LRRC4C: variants seen among roughly 807,000 people sequenced by gnomAD.
LRRC4C encodes leucine rich repeat containing 4C, also known as leucine-rich repeat-containing protein 4C.
A neutral mutation model predicts 33.6 loss-of-function variants in LRRC4C; 5 were observed. That is an observed-to-expected ratio of 0.15 (90% CI 0.08 to 0.31). LRRC4C has a LOEUF of 0.31. Among genes scored for constraint, LRRC4C ranks in the 10% least tolerant of loss-of-function variants. LRRC4C has a pLI of 1.00. For missense variants in LRRC4C, 560 were observed against 796.7 expected (o/e 0.70, Z 3.58); for synonymous variants, 329 against 302.0 (o/e 1.09, Z -0.93).
intron 5 of LRRC4C, among the ~76,000 whole-genome samples, chr11:40,168,887 C>T (rs560294208): frequency 2.6e-4 from 40 of 152,312 alleles, no homozygotes; most frequent in African/African-American, 8.9e-4. Flanking sequence ...GCTGCCCCAA[C>T]ACACTGGTTC....
At chr11:40,556,718 A>T (rs761241544) in intron 3 of LRRC4C, among the ~76,000 whole-genome samples, 6 of 152,178 alleles carry the variant, frequency 3.9e-5, no homozygotes, top group African/African-American at 1.2e-4. Flanking sequence ...CAAAATTAGG[A>T]TAAAAAAATT....
intron 5 of LRRC4C, among the ~76,000 whole-genome samples, chr11:40,202,745 A>G (rs1862856537): frequency 6.6e-6 from 1 of 152,104 alleles, no homozygotes; most frequent in African/African-American, 2.4e-5. Context: ...GGATCTGTGC[A>G]ATAAGGGAAG....
At chr11:40,931,979 G>A (rs1592124801) in intron 2 of LRRC4C, among the ~76,000 whole-genome samples, 1 of 152,138 alleles carries the variant, frequency 6.6e-6, no homozygotes, top group Non-Finnish European at 1.5e-5. Context: ...TCTTAGCTAA[G>A]AGTTAGGGAA....
intron 5 of LRRC4C, among the ~76,000 whole-genome samples, chr11:40,159,319 A>G (rs1244374528): frequency 6.6e-6 from 1 of 152,194 alleles, no homozygotes; most frequent in Admixed American, 6.5e-5. Context: ...AAACGTCTGC[A>G]GAAATCAAGT....
intron 1 of LRRC4C, among the ~76,000 whole-genome samples, chr11:41,252,219 T>C (rs139725408): frequency 5.6e-4 from 85 of 152,236 alleles, no homozygotes; most frequent in African/African-American, 1.9e-3. Flanking sequence ...AGAAAAGTGC[T>C]GGAAAATGTC....
chr11:41,450,213 T>C (rs891876364), intron 1 of LRRC4C, among the ~76,000 whole-genome samples: 5 of 152,050 alleles, frequency 3.3e-5, no homozygotes, highest in African/African-American at 1.2e-4. Context: ...ACAGACCATC[T>C]GTACAAGGCA....
chr11:40,258,558 GAA>G (rs1867414576), intron 4 of LRRC4C, among the ~76,000 whole-genome samples: 2 of 152,114 alleles, frequency 1.3e-5, no homozygotes, highest in Non-Finnish European at 2.9e-5. Flanking sequence ...TCCTTATAGA[GAA>G]AATGCTCAGT....
chr11:40,488,911 G>A (rs1327214301), intron 3 of LRRC4C, among the ~76,000 whole-genome samples: 1 of 151,970 alleles, frequency 6.6e-6, no homozygotes, highest in African/African-American at 2.4e-5. Flanking sequence ...TGATATTGTG[G>A]TTTCTCCTTT....
intron 2 of LRRC4C, among the ~76,000 whole-genome samples, chr11:40,668,656 G>A (rs1368144545): frequency 6.6e-6 from 1 of 152,180 alleles, no homozygotes; most frequent in Non-Finnish European, 1.5e-5. Flanking sequence ...TATAATGAGA[G>A]AGGAAAATGT....
intron 2 of LRRC4C, among the ~76,000 whole-genome samples, chr11:40,891,780 A>C (rs941732207): frequency 4.6e-5 from 7 of 152,204 alleles, no homozygotes; most frequent in Admixed American, 3.9e-4. Context: ...GGAGAAAGGG[A>C]AACTCTCATA....
intron 2 of LRRC4C, among the ~76,000 whole-genome samples, chr11:40,715,538 C>G (rs1946661570): frequency 6.6e-6 from 1 of 152,188 alleles, no homozygotes; most frequent in African/African-American, 2.4e-5. Flanking sequence ...AACTTGTATT[C>G]CTAAGTCCAT....
intron 6 of LRRC4C, among the ~76,000 whole-genome samples, chr11:40,123,711 C>T (rs1369577199): frequency 1.3e-5 from 2 of 152,010 alleles, no homozygotes; most frequent in African/African-American, 2.4e-5. Flanking sequence ...ATACCAAAGA[C>T]ATTCTTCACA....
intron 4 of LRRC4C, among the ~76,000 whole-genome samples, chr11:40,314,079 G>A (rs2136783477): frequency 6.6e-6 from 1 of 151,614 alleles, no homozygotes; most frequent in South Asian, 2.1e-4. Flanking sequence ...CTACAGAATG[G>A]GAGAAATAAG....
intron 5 of LRRC4C, among the ~76,000 whole-genome samples, chr11:40,146,438 C>G (rs1330686587): frequency 6.6e-6 from 1 of 152,024 alleles, no homozygotes; most frequent in Non-Finnish European, 1.5e-5. Flanking sequence ...CAAGTTATAC[C>G]CGCTGAGGGG....
intron 1 of LRRC4C, among the ~76,000 whole-genome samples, chr11:40,980,668 CTGT>C (rs1852452806): frequency 6.6e-6 from 1 of 152,212 alleles, no homozygotes; most frequent in Non-Finnish European, 1.5e-5. Flanking sequence ...AGTTCCCCAA[CTGT>C]AAAGAAAACT....
chr11:40,535,011 G>A (rs985533281), intron 3 of LRRC4C, among the ~76,000 whole-genome samples: 2 of 152,100 alleles, frequency 1.3e-5, no homozygotes, highest in African/African-American at 4.8e-5. Flanking sequence ...TCTCAATATA[G>A]TATGCAGTAT....
chr11:40,906,722 G>A (rs998672163), intron 2 of LRRC4C, among the ~76,000 whole-genome samples: 1 of 151,908 alleles, frequency 6.6e-6, no homozygotes, highest in African/African-American at 2.4e-5. Flanking sequence ...GTGTGTGTGT[G>A]TATGTGTGTG....
At chr11:40,181,335 GT>G (rs1010761443) in intron 5 of LRRC4C, among the ~76,000 whole-genome samples, 3 of 152,072 alleles carry the variant, frequency 2.0e-5, no homozygotes, top group East Asian at 1.9e-4. Flanking sequence ...AGAGACTGAG[GT>G]TTTTTTCCTC....
intron 2 of LRRC4C, among the ~76,000 whole-genome samples, chr11:40,728,451 A>G (rs1947394359): frequency 7.3e-6 from 1 of 136,808 alleles, no homozygotes; most frequent in African/African-American, 2.6e-5. Flanking sequence ...CTAAAAAAAG[A>G]AAAAAAAAAA....
Sources: gnomAD v4.1 joint callset for allele counts (sites outside exome capture counted in the v4.1 genomes callset) on GRCh38, gnomAD v4.1.1 for gene constraint, MANE v1.5 for transcripts, NCBI Gene and HGNC (gene_info 2026-07-23, HGNC 2026-07-21) for gene names.